NEMP2: variants seen among roughly 807,000 people sequenced by gnomAD.
The protein encoded by NEMP2 is nuclear envelope integral membrane protein 2.
In NEMP2, 53 loss-of-function variants were observed where a neutral mutation model predicts 54.2. The observed-to-expected ratio is 0.98, with a 90% confidence interval of 0.78 to 1.23. The LOEUF is 1.23. Among genes scored for constraint, NEMP2 ranks in the 50% most tolerant of loss-of-function variants. The pLI is 0.00. For synonymous variants in NEMP2, 197 were observed against 190.3 expected, an observed-to-expected ratio of 1.04 and a Z score of -0.29; for missense variants, 455 against 511.3, an observed-to-expected ratio of 0.89 and a Z score of 1.06.
chr2:190,607,979 A>G, the NEMP2 span: 1 of 152,208 alleles, frequency 6.6e-6, no homozygotes, highest in South Asian at 2.1e-4. This position sits in a 1 kb window ranked among gnomAD's most constrained non-coding sequence, Gnocchi z 5.2. Context: ...TTAGTTATCT[A>G]TGGTAAACTG....
chr2:190,551,890 C>T, the NEMP2 span, among the ~76,000 whole-genome samples: 9 of 152,184 alleles, frequency 5.9e-5, no homozygotes, highest in African/African-American at 1.7e-4. Flanking sequence ...CCTCCTCTCC[C>T]GTTATCTGGG....
chr2:190,620,892 GA>G, the NEMP2 span, among the ~76,000 whole-genome samples: 2 of 152,056 alleles, frequency 1.3e-5, no homozygotes, highest in Non-Finnish European at 2.9e-5. This position sits in a 1 kb window ranked among gnomAD's most constrained non-coding sequence, Gnocchi z 4.9. Context: ...AAAACTATTG[GA>G]AGTATTAAAT....
the NEMP2 span, among the ~76,000 whole-genome samples, chr2:190,472,317 G>T: frequency 1.6e-3 from 251 of 152,230 alleles, 1 homozygote; most frequent in Non-Finnish European, 3.0e-3. Flanking sequence ...CAAACCCATG[G>T]CAAAGAAGTT....
At chr2:190,629,567 T>C in the NEMP2 span, among the ~76,000 whole-genome samples, 1 of 152,234 alleles carries the variant, frequency 6.6e-6, no homozygotes, top group Non-Finnish European at 1.5e-5. Flanking sequence ...AAGCAGTTTA[T>C]AAATAGAATA....
chr2:190,599,425 A>G, the NEMP2 span, among the ~76,000 whole-genome samples: 2 of 152,204 alleles, frequency 1.3e-5, no homozygotes, highest in East Asian at 1.9e-4. Flanking sequence ...TGAAATGTCT[A>G]TAACTTCAGA....
chr2:190,486,028 T>C, the NEMP2 span, among the ~76,000 whole-genome samples: 3 of 152,262 alleles, frequency 2.0e-5, no homozygotes, highest in Non-Finnish European at 4.4e-5. Flanking sequence ...TATTTCTGTC[T>C]TCCTATAAAT....
In NEMP2 at chr2:190,513,734, C is replaced by T. The variant is rs1173517698; in HGVS notation, c.953+719G>A. ...TTATTTTTATTCATTCTTTAAGATT[C>T]AGCGTAGTAATATCTCTCCAGGAAA... On this transcript the variant is annotated intron_variant, in intron 7 of 8. Coordinates refer to ENST00000409150, the MANE Select transcript of NEMP2 (RefSeq NM_001142645.2). This position sits in a 1 kb window ranked among gnomAD's most constrained non-coding sequence, Gnocchi z 5.3. Among the ~76,000 whole-genome samples the T allele has an allele frequency of 6.6e-6, 1 of 152,222 alleles. No individual in the cohort carries two copies. The highest frequency in any genetic ancestry group is 1.5e-5 in the Non-Finnish European group (1 of 68,034).
chr2:190,497,593 T>C, the NEMP2 span: 4 of 1,614,168 alleles, frequency 2.5e-6, no homozygotes, highest in Non-Finnish European at 3.4e-6. This position sits in a 1 kb window ranked among gnomAD's most constrained non-coding sequence, Gnocchi z 5.2. Context: ...AACAGGAAGA[T>C]GTGAACAAAC....
the NEMP2 span, among the ~76,000 whole-genome samples, chr2:190,581,601 C>T: frequency 6.6e-6 from 1 of 152,074 alleles, no homozygotes; most frequent in African/African-American, 2.4e-5. Flanking sequence ...AATTATATTT[C>T]TTTTCTTATG....
chr2:190,567,894 GCCTT>G, the NEMP2 span, among the ~76,000 whole-genome samples: 1 of 152,064 alleles, frequency 6.6e-6, no homozygotes, highest in South Asian at 2.1e-4. This position sits in a 1 kb window ranked among gnomAD's most constrained non-coding sequence, Gnocchi z 4.0. Context: ...CGATTCGCCC[GCCTT>G]GGTCCCCCAA....
chr2:190,547,099 T>C, the NEMP2 span, among the ~76,000 whole-genome samples: 1 of 152,248 alleles, frequency 6.6e-6, no homozygotes, highest in Admixed American at 6.5e-5. This position sits in a 1 kb window ranked among gnomAD's most constrained non-coding sequence, Gnocchi z 6.2. Context: ...CACCTTCTCG[T>C]CAGACTCCTC....
At chr2:190,578,761 G>A in the NEMP2 span, among the ~76,000 whole-genome samples, 2 of 151,764 alleles carry the variant, frequency 1.3e-5, no homozygotes, top group South Asian at 4.1e-4. This position sits in a 1 kb window ranked among gnomAD's most constrained non-coding sequence, Gnocchi z 4.4. Context: ...GCAGGGTGTG[G>A]AGTGCAGGGG....
At position 190,525,215 on chromosome 2, in the gene NEMP2, C is replaced by T. The variant is rs1256886633; in HGVS notation, c.213+48G>A. Reference sequence around the variant, plus strand: ...AGTGGTACATTTCCTGTCCCCAGGACATGGTAATTCTCTGTCCCTAAGACA... The same window carrying T: ...AGTGGTACATTTCCTGTCCCCAGGATATGGTAATTCTCTGTCCCTAAGACA... On this transcript the variant is annotated intron_variant, in intron 2 of 8. Coordinates refer to ENST00000409150, the MANE Select transcript of NEMP2 (RefSeq NM_001142645.2). The surrounding 1 kb of genome is among the most constrained non-coding windows in gnomAD (Gnocchi z 5.0). 1 of 1,023,340 alleles carries T rather than the reference C, an allele frequency of 9.8e-7. No homozygotes were observed. The highest frequency in any genetic ancestry group is 1.5e-6 in the Non-Finnish European group (1 of 676,618). The allele number at this position is 1,023,340 out of a possible 1,614,324, so 63.4% of individuals were successfully genotyped here. A position where few individuals can be genotyped will look rare whatever the true frequency, so the allele number is the denominator to read the frequency against.
At position 190,534,552 on chromosome 2, in the gene NEMP2, G is replaced by T; in HGVS notation, c.97+7C>A. 2.9e-6 allele frequency: 4 copies of T among 1,402,454 alleles called. No individual in the cohort carries two copies. The highest frequency in any genetic ancestry group is 3.7e-6 in the Non-Finnish European group (4 of 1,083,058). 86.9% of individuals were successfully genotyped at this position (1,402,454 alleles called of 1,614,324 possible). ...CGCGCGCGCCGCCGCCGCCGGTCCC[G>T]GGTTACCTGATAACGCTGCCGCCGC... On this transcript the variant is annotated splice_region_variant and intron_variant, in intron 1 of 8. Coordinates refer to ENST00000409150, the MANE Select transcript of NEMP2 (RefSeq NM_001142645.2).
the NEMP2 span, among the ~76,000 whole-genome samples, chr2:190,603,514 A>C: frequency 6.7e-6 from 1 of 148,372 alleles, no homozygotes; most frequent in African/African-American, 2.5e-5. Flanking sequence ...CACTCTCTCC[A>C]CACTGGAAGC....
the NEMP2 span, among the ~76,000 whole-genome samples, chr2:190,578,771 G>C: frequency 8.6e-5 from 13 of 151,468 alleles, no homozygotes; most frequent in African/African-American, 2.9e-4. The surrounding 1 kb of genome is among the most constrained non-coding windows in gnomAD (Gnocchi z 4.4). Context: ...GAGTGCAGGG[G>C]TGGAGGGAAA....
chr2:190,613,458 T>C, the NEMP2 span, among the ~76,000 whole-genome samples: 2 of 152,240 alleles, frequency 1.3e-5, no homozygotes, highest in Admixed American at 1.3e-4. Context: ...AGTTATAGTT[T>C]TGTAGCCTCT....
chr2:190,599,578 T>C, the NEMP2 span, among the ~76,000 whole-genome samples: 2 of 152,354 alleles, frequency 1.3e-5, no homozygotes, highest in South Asian at 2.1e-4. Flanking sequence ...ATTTTAATTT[T>C]AACTATAATT....
chr2:190,544,930 CAAAAAAAAAA>C, the NEMP2 span, among the ~76,000 whole-genome samples: 1 of 90,794 alleles, frequency 1.1e-5, no homozygotes, highest in African/African-American at 4.7e-5. Flanking sequence ...TCTACCCCCG[CAAAAAAAAAA>C]AAAAAAAAAA....
Sources: allele counts gnomAD v4.1 joint callset (sites outside exome capture counted in the v4.1 genomes callset), GRCh38; gene constraint gnomAD v4.1.1; non-coding constraint Gnocchi (gnomAD v3.1); transcripts MANE v1.5; gene names NCBI Gene and HGNC (gene_info 2026-07-23, HGNC 2026-07-21).